ANKRD11: variants seen among roughly 807,000 people sequenced by gnomAD.
The protein encoded by ANKRD11 is ankyrin repeat domain-containing protein 11.
Under a neutral mutation model 195.7 loss-of-function variants are expected in ANKRD11, and 17 were observed. The ratio of observed to expected loss-of-function variants is 0.09; its 90% CI spans 0.06 to 0.13. The LOEUF is 0.13. ANKRD11 is among the 10% of genes least tolerant of loss of function. The pLI, the probability that ANKRD11 is intolerant of heterozygous loss-of-function variation, is 1.00. For synonymous variants in ANKRD11, 1,953 were observed against 1,528.1 expected, an observed-to-expected ratio of 1.28 and a Z score of -6.49; for missense variants, 3,735 against 3,566.1, an observed-to-expected ratio of 1.05 and a Z score of -1.21.
At chr16:89,338,374 G>T (rs1340177453) in intron 2 of ANKRD11, among the ~76,000 whole-genome samples, 1 of 150,214 alleles carries the variant, frequency 6.7e-6, no homozygotes, top group Non-Finnish European at 1.5e-5. Flanking sequence ...ATTGAAACAT[G>T]GGTTTGAAAA....
intron 2 of ANKRD11, among the ~76,000 whole-genome samples, 186 bp downstream of exon 2, chr16:89,418,084 CATTCATTAATCCAA>C: frequency 6.6e-6 from 1 of 152,190 alleles, no homozygotes; most frequent in Non-Finnish European, 1.5e-5. Flanking sequence ...CCAAGGATCC[CATTCATTAATCCAA>C]AAATGCTTAC....
Position 89,467,067 on chromosome 16 carries a change from T to C in ANKRD11, c.-145+23178A>G, listed in dbSNP as rs765681820. Among the ~76,000 whole-genome samples, 36 of 152,286 alleles carry C rather than the reference T, an allele frequency of 2.4e-4. 1 individual carries two copies. The highest frequency in any genetic ancestry group is 1.1e-3 in the Admixed American group (17 of 15,288). On this transcript the variant is annotated intron_variant, in intron 1 of 12. Coordinates refer to ENST00000301030, the MANE Select transcript of ANKRD11 (RefSeq NM_013275.6). The stretch of plus-strand genomic sequence containing the variant: ...AATTCCAATGGTTGCAGGAACTCTG[T>C]GCCAGGAGTGAGAAGGCGCAGGGAG...
intron 1 of ANKRD11, among the ~76,000 whole-genome samples, chr16:89,475,003 C>T (rs1033071887): frequency 6.6e-6 from 1 of 152,232 alleles, no homozygotes; most frequent in Non-Finnish European, 1.5e-5. Context: ...CTCTCCTCAC[C>T]CCTGCTGGTG....
At chr16:89,273,901 C>A (rs1027189396) in intron 11 of ANKRD11, among the ~76,000 whole-genome samples, 1 of 152,028 alleles carries the variant, frequency 6.6e-6, no homozygotes, top group Non-Finnish European at 1.5e-5. Context: ...GCACATATTA[C>A]GAGGGCTCTC....
intron 1 of ANKRD11, among the ~76,000 whole-genome samples, chr16:89,479,309 C>T (rs762356296): frequency 3.0e-4 from 45 of 151,982 alleles, no homozygotes; most frequent in South Asian, 6.2e-4. Flanking sequence ...GAAAGTTTGC[C>T]TCCTAGATAA....
intron 1 of ANKRD11, among the ~76,000 whole-genome samples, chr16:89,485,305 G>A (rs1289583644): frequency 6.7e-6 from 1 of 149,582 alleles, no homozygotes; most frequent in African/African-American, 2.5e-5. Context: ...CCAACATGGG[G>A]AAACCCCATC....
chr16:89,348,644 GCTAT>G (rs1220717182), intron 2 of ANKRD11, among the ~76,000 whole-genome samples: 1 of 152,158 alleles, frequency 6.6e-6, no homozygotes, highest in African/African-American at 2.4e-5. Flanking sequence ...GACTATTTAA[GCTAT>G]CTATTTCTTC....
rs1467517763 is a variant in ANKRD11, at chr16:89,490,315, GGCCGCGTTT to G, written c.-224_-216del. ...CGCGGGCGCTGCCCATGCAGCCCGC[GGCCGCGTTT>G]CCCGGGCCGCGCGGCCCGAGCGGCA... On this transcript the variant is annotated 5_prime_UTR_variant, in exon 1 of 13. Transcript: ENST00000301030. 4 of 147,058 alleles carry G rather than the reference GGCCGCGTTT, an allele frequency of 2.7e-5. No homozygotes were observed. The highest frequency in any genetic ancestry group is 2.0e-4 in the East Asian group (1 of 5,040). The allele number at this position is 147,058 out of a possible 1,614,324, so 9.1% of individuals were successfully genotyped here.
At chr16:89,393,312 T>TA (rs1567742312) in intron 2 of ANKRD11, among the ~76,000 whole-genome samples, 3 of 149,582 alleles carry the variant, frequency 2.0e-5, no homozygotes, top group East Asian at 3.9e-4. Flanking sequence ...TTTTTTATTT[T>TA]TATTTTTTTT....
At chr16:89,448,632 A>G (rs1567820175) in intron 1 of ANKRD11, among the ~76,000 whole-genome samples, 1 of 152,268 alleles carries the variant, frequency 6.6e-6, no homozygotes, top group African/African-American at 2.4e-5. Context: ...ATCTTCAAAT[A>G]CGCCTAATTA....
intron 2 of ANKRD11, among the ~76,000 whole-genome samples, 163 bp from the exon 3 acceptor site, chr16:89,317,241 C>A (rs543526826): frequency 6.6e-6 from 1 of 152,344 alleles, no homozygotes; most frequent in East Asian, 1.9e-4. Flanking sequence ...TCAGGATACG[C>A]CTCCCATAAA....
chr16:89,280,426 T>C lies in ANKRD11; in HGVS notation c.6116A>G (p.Asp2039Gly), dbSNP rs2034104917. ...VAEPGLEDVK[D>G]GVDAVPAAIS... ...GGCGGCGGGGACGGCGTCCACTCCG[T>C]CCTTGACGTCCTCCAGCCCCGGCTC... The change falls in exon 9 of 13, where the codon GAC becomes GGC. Residue 2039 changes from aspartate (D) to glycine (G), a missense_variant. Asp to Gly is a moderately conservative substitution (Grantham distance 94, BLOSUM62 -1). Coordinates refer to ENST00000301030, the MANE Select transcript of ANKRD11 (RefSeq NM_013275.6). 6.3e-7 allele frequency: 1 copy of C among 1,577,100 alleles called. No individual in the cohort carries two copies. The highest frequency in any genetic ancestry group is 1.4e-5 in the African/African-American group (1 of 73,990).
At chr16:89,286,516 C>T (rs2034658408) in intron 7 of ANKRD11, 2 of 540,428 alleles carry the variant, frequency 3.7e-6, no homozygotes, top group African/African-American at 2.0e-5. Context: ...CAGGAATCTT[C>T]TCACGAAGGC....
Position 89,275,098 on chromosome 16 carries a change from C to G in ANKRD11, c.7564G>C (p.Glu2522Gln). Residue 2522 changes from glutamate (E) to glutamine (Q), a missense_variant, in exon 10 of 13, where the codon GAG becomes CAG. Transcript: ENST00000301030. ...GCCTGTGCCAGCCCACTTACCCGCT[C>G]GATGCTGTGCTGTAGACGCAGCTTT... ...RGKLRLQHSI[E>Q]REKLIVSCEQ... The G allele has an allele frequency of 6.2e-7, 1 of 1,612,786 alleles. No individual in the cohort carries two copies. The highest frequency in any genetic ancestry group is 8.5e-7 in the Non-Finnish European group (1 of 1,179,618).
rs1483026857 is a variant in ANKRD11, at chr16:89,479,285, AC to A, written c.-145+10959del. Among the ~76,000 whole-genome samples the A allele has an allele frequency of 7.2e-5, 11 of 152,002 alleles. No individual in the cohort carries two copies. In the East Asian group the frequency reaches 1.9e-3, roughly 27 times the overall value. On this transcript the variant is annotated intron_variant, in intron 1 of 12. Coordinates refer to ENST00000301030, the MANE Select transcript of ANKRD11 (RefSeq NM_013275.6). Reference sequence around the variant, plus strand: ...CAAAAACAAAAAAAGGAAAAAAAAAACACTAATTACAAGGAAAGTTTGCCTC... The same window carrying A: ...CAAAAACAAAAAAAGGAAAAAAAAAAACTAATTACAAGGAAAGTTTGCCTC...
At chr16:89,328,152 G>A (rs369329193) in intron 2 of ANKRD11, among the ~76,000 whole-genome samples, 6 of 151,962 alleles carry the variant, frequency 3.9e-5, no homozygotes, top group African/African-American at 1.4e-4. Flanking sequence ...GCCGCAATGA[G>A]ATATTACTGC....
intron 9 of ANKRD11, chr16:89,277,923 C>T (rs547535416): frequency 2.3e-4 from 36 of 157,346 alleles, no homozygotes; most frequent in East Asian, 1.9e-3. Context: ...GGGCCTCAGG[C>T]GGCCTGGGCC....
intron 2 of ANKRD11, among the ~76,000 whole-genome samples, chr16:89,393,588 C>T (rs769721705): frequency 5.3e-5 from 8 of 151,622 alleles, no homozygotes; most frequent in African/African-American, 1.2e-4. Flanking sequence ...GTGATTTGCC[C>T]GCCTCAGCCT....
At chr16:89,349,990 G>A (rs989324057) in intron 2 of ANKRD11, among the ~76,000 whole-genome samples, 1 of 151,480 alleles carries the variant, frequency 6.6e-6, no homozygotes, top group Non-Finnish European at 1.5e-5. Flanking sequence ...CAGACAACCC[G>A]ATTTTTAGAA....
Sources: allele counts gnomAD v4.1 joint callset (sites outside exome capture counted in the v4.1 genomes callset), GRCh38; gene constraint gnomAD v4.1.1; transcripts MANE v1.5; gene names NCBI Gene and HGNC (gene_info 2026-07-23, HGNC 2026-07-21).